MTHFD2L: variants seen among roughly 807,000 people sequenced by gnomAD.
MTHFD2L encodes the protein methylenetetrahydrofolate dehydrogenase (NADP+ dependent) 2 like, also known as bifunctional methylenetetrahydrofolate dehydrogenase/cyclohydrolase 2, mitochondrial.
Under a neutral mutation model 34.9 loss-of-function variants are expected in MTHFD2L, and 29 were observed. The observed-to-expected ratio is 0.83, with a 90% CI of 0.62 to 1.13. The LOEUF is 1.13. Ranked by LOEUF, MTHFD2L falls within the 50% of genes most tolerant of loss-of-function variation. The probability of loss-of-function intolerance (pLI) is 0.00; values close to 1 mark genes in which losing one functional copy is unlikely to be tolerated. For synonymous variants in MTHFD2L, 167 were observed against 155.7 expected, an observed-to-expected ratio of 1.07 and a Z score of -0.54; for missense variants, 481 against 446.5, an observed-to-expected ratio of 1.08 and a Z score of -0.70.
intron 1 of MTHFD2L, among the ~76,000 whole-genome samples, chr4:74,131,397 A>G (rs1397801929): frequency 1.3e-5 from 2 of 152,218 alleles, no homozygotes; most frequent in Non-Finnish European, 2.9e-5. Context: ...ATACAGACCA[A>G]TGGAACAGAA....
chr4:74,250,420 G>A (rs889747015), intron 6 of MTHFD2L, among the ~76,000 whole-genome samples: 1 of 151,486 alleles, frequency 6.6e-6, no homozygotes, highest in Non-Finnish European at 1.5e-5. Flanking sequence ...CTATTTATTT[G>A]TATGGTTACT....
intron 7 of MTHFD2L, among the ~76,000 whole-genome samples, chr4:74,282,174 A>C (rs1024206721): frequency 7.9e-5 from 12 of 152,114 alleles, no homozygotes; most frequent in Admixed American, 7.9e-4. Flanking sequence ...ACTGGGCCCC[A>C]GTACTTCTAG....
intron 3 of MTHFD2L, among the ~76,000 whole-genome samples, chr4:74,184,434 T>C (rs976772888): frequency 6.6e-6 from 1 of 151,934 alleles, no homozygotes; most frequent in Non-Finnish European, 1.5e-5. Flanking sequence ...AAGAGGTCAT[T>C]TCATAATAAT....
At chr4:74,243,088 G>A (rs868773567) in intron 6 of MTHFD2L, among the ~76,000 whole-genome samples, 5 of 152,144 alleles carry the variant, frequency 3.3e-5, no homozygotes, top group African/African-American at 1.2e-4. Flanking sequence ...CTATAGAAGG[G>A]GACTTGGTCA....
chr4:74,136,891 G>A (rs1447955497), intron 1 of MTHFD2L, among the ~76,000 whole-genome samples: 1 of 152,092 alleles, frequency 6.6e-6, no homozygotes, highest in African/African-American at 2.4e-5. Context: ...TTCAATAGGT[G>A]GTGCTGAGAA....
At chr4:74,191,940 T>C (rs1732610333) in intron 3 of MTHFD2L, among the ~76,000 whole-genome samples, 2 of 152,132 alleles carry the variant, frequency 1.3e-5, no homozygotes, top group African/African-American at 2.4e-5. Flanking sequence ...CTTCTTACTG[T>C]GTCCAGCTGC....
upstream of MTHFD2L, among the ~76,000 whole-genome samples, chr4:74,121,758 T>C (rs966735113): frequency 5.4e-5 from 8 of 149,228 alleles, no homozygotes; most frequent in Non-Finnish European, 1.2e-4. Flanking sequence ...GTAATAATAA[T>C]AGAAATAAAG....
intron 7 of MTHFD2L, among the ~76,000 whole-genome samples, chr4:74,294,378 G>A (rs1578750240): frequency 6.6e-6 from 1 of 151,982 alleles, no homozygotes; most frequent in African/African-American, 2.4e-5. Context: ...ATAAGAATCT[G>A]AATTGTTCAA....
chr4:74,117,499 A>G (rs1179126318), intron 2 of MTHFD2L, among the ~76,000 whole-genome samples: 1 of 152,172 alleles, frequency 6.6e-6, no homozygotes, highest in Non-Finnish European at 1.5e-5. Context: ...GTGGAGGGTG[A>G]AAGAATGATC....
intron 6 of MTHFD2L, among the ~76,000 whole-genome samples, chr4:74,250,126 C>T (rs985220147): frequency 1.3e-5 from 2 of 152,194 alleles, no homozygotes; most frequent in Non-Finnish European, 2.9e-5. Context: ...CAATCAGACG[C>T]AGATTTGGTC....
At chr4:74,238,992 C>A (rs189842265) in intron 6 of MTHFD2L, among the ~76,000 whole-genome samples, 1 of 152,186 alleles carries the variant, frequency 6.6e-6, no homozygotes, top group African/African-American at 2.4e-5. Flanking sequence ...TGGGTATACA[C>A]CCAAAGGCTT....
At chr4:74,267,662 T>C in intron 6 of MTHFD2L, 1 of 961,200 alleles carries the variant, frequency 1.0e-6, no homozygotes, top group African/African-American at 1.8e-5. Context: ...TTTGAACTCC[T>C]GGGCTCTGGC....
chr4:74,273,438 A>G (rs554148853), intron 6 of MTHFD2L, among the ~76,000 whole-genome samples: 1 of 152,276 alleles, frequency 6.6e-6, no homozygotes, highest in East Asian at 1.9e-4. Flanking sequence ...TTTTGCCTCA[A>G]CAAAGGAATC....
intron 4 of MTHFD2L, among the ~76,000 whole-genome samples, chr4:74,200,955 C>T (rs893684867): frequency 6.6e-6 from 1 of 152,098 alleles, no homozygotes; most frequent in African/African-American, 2.4e-5. Context: ...TTTTTATAAG[C>T]AGTTAATATA....
upstream of MTHFD2L, chr4:74,157,304 C>A (rs1437355072): frequency 8.2e-6 from 2 of 244,734 alleles, no homozygotes; most frequent in Non-Finnish European, 1.6e-5. Flanking sequence ...TCTGACTCAA[C>A]AGCAGCAGCC....
intron 1 of MTHFD2L, chr4:74,164,914 A>G (rs567157): frequency 1 from 946,382 of 948,082 alleles, 472,361 homozygotes; most frequent in Middle Eastern, 1. Flanking sequence ...TCTTGCCTTT[A>G]GGGGAAGGTC....
chr4:74,191,732 A>C (rs2110023572), intron 3 of MTHFD2L, among the ~76,000 whole-genome samples: 1 of 151,612 alleles, frequency 6.6e-6, no homozygotes, highest in Non-Finnish European at 1.5e-5. Context: ...TTGTATTTTT[A>C]GGGTTTTGTA....
intron 7 of MTHFD2L, among the ~76,000 whole-genome samples, chr4:74,290,707 A>G (rs895484921): frequency 6.6e-6 from 1 of 151,948 alleles, no homozygotes; most frequent in African/African-American, 2.4e-5. Flanking sequence ...TTCCCACGAA[A>G]GTATTAACCC....
At chr4:74,211,238 A>AG (rs777613542) in intron 5 of MTHFD2L, among the ~76,000 whole-genome samples, 27 of 152,178 alleles carry the variant, frequency 1.8e-4, no homozygotes, top group Non-Finnish European at 2.2e-4. Context: ...GAATGGTGAG[A>AG]GGAGGGGATC....
Sources: allele counts gnomAD v4.1 joint callset (sites outside exome capture counted in the v4.1 genomes callset), GRCh38; gene constraint gnomAD v4.1.1; transcripts MANE v1.5; gene names NCBI Gene and HGNC (gene_info 2026-07-23, HGNC 2026-07-21).